The following SRGAP1 variants were observed in gnomAD, a reference collection of about 807,000 sequenced individuals.
SRGAP1 encodes the protein SLIT-ROBO Rho GTPase activating protein 1.
In SRGAP1, 43 loss-of-function variants were observed where a neutral mutation model predicts 121.9. The observed-to-expected ratio is 0.35, with a 90% CI of 0.28 to 0.46. The LOEUF (loss-of-function observed/expected upper bound fraction) is 0.46, where lower values mean the gene tolerates loss of function less well. SRGAP1 is among the 20% of genes least tolerant of loss of function. The pLI is 1.00. For synonymous variants in SRGAP1, 447 were observed against 485.4 expected (o/e 0.92, Z 1.04); for missense variants, 1,102 against 1,350.9 (o/e 0.82, Z 2.89).
intron 1 of SRGAP1, among the ~76,000 whole-genome samples, chr12:63,936,114 A>T (rs1401082622): frequency 6.6e-6 from 1 of 152,018 alleles, no homozygotes; most frequent in African/African-American, 2.4e-5. Flanking sequence ...AATAACAGTT[A>T]TTTTTTTAAA....
intron 1 of SRGAP1, among the ~76,000 whole-genome samples, chr12:63,853,368 T>C (rs576961894): frequency 3.3e-5 from 5 of 152,306 alleles, no homozygotes; most frequent in South Asian, 2.1e-4. Context: ...ATAATTTCTT[T>C]AGAAAGTCAC....
intron 3 of SRGAP1, among the ~76,000 whole-genome samples, chr12:64,005,647 TA>T (rs918612549): frequency 2.0e-5 from 3 of 150,718 alleles, no homozygotes; most frequent in Non-Finnish European, 3.0e-5. Flanking sequence ...CCCTGTCTCT[TA>T]AAAAAAAATA....
At chr12:64,015,547 G>C (rs1207324602) in intron 3 of SRGAP1, among the ~76,000 whole-genome samples, 1 of 152,156 alleles carries the variant, frequency 6.6e-6, no homozygotes, top group Non-Finnish European at 1.5e-5. Flanking sequence ...TCAAAGTTCA[G>C]GTACTGCTCT....
chr12:64,072,108 C>CTGTG (rs66959510), intron 8 of SRGAP1, among the ~76,000 whole-genome samples: 1,240 of 80,368 alleles, frequency 0.015, 29 homozygotes, highest in Admixed American at 0.027. Context: ...CAATCTCTCT[C>CTGTG]TGTGTGTGTG....
intron 3 of SRGAP1, among the ~76,000 whole-genome samples, chr12:64,005,870 A>G (rs957158997): frequency 3.9e-5 from 6 of 152,126 alleles, no homozygotes; most frequent in Non-Finnish European, 8.8e-5. Flanking sequence ...AATAGGCATT[A>G]TATTTCTTGA....
chr12:64,032,473 G>C, intron 4 of SRGAP1: 1 of 969,292 alleles, frequency 1.0e-6, no homozygotes, highest in South Asian at 1.3e-5. Flanking sequence ...TGCTTTGTGG[G>C]TCAGAAGAGA....
At chr12:64,074,636 CT>C (rs1421812106) in intron 8 of SRGAP1, among the ~76,000 whole-genome samples, 1 of 152,144 alleles carries the variant, frequency 6.6e-6, no homozygotes, top group East Asian at 1.9e-4. Flanking sequence ...GGCACCTTCC[CT>C]GACTTCTCAG....
rs1386503606 is a variant in SRGAP1 at position 64,156,324 on chromosome 12, TTGAA to T, written c.*13658_*13661del. The T allele has an allele frequency of 6.6e-6, 1 of 152,214 alleles. No homozygotes were observed. The highest frequency in any genetic ancestry group is 1.5e-5 in the Non-Finnish European group (1 of 68,026). 9.4% of individuals were successfully genotyped at this position (152,214 alleles called of 1,614,324 possible). ...AACAATGTCAGGTGGAGAGAAGGAA[TTGAA>T]TGAATATTTTTAATAAATTTGTAGA... On this transcript the variant is annotated 3_prime_UTR_variant, in exon 22 of 22. Transcript: ENST00000355086.
intron 21 of SRGAP1, among the ~76,000 whole-genome samples, chr12:64,136,666 T>A (rs1307101618): frequency 1.3e-5 from 2 of 152,232 alleles, no homozygotes; most frequent in Non-Finnish European, 1.5e-5. Context: ...ATGTGTTTTT[T>A]AAAAATTAAC....
At chr12:63,984,830 A>G (rs1284589994) in intron 2 of SRGAP1, among the ~76,000 whole-genome samples, 1 of 152,028 alleles carries the variant, frequency 6.6e-6, no homozygotes, top group African/African-American at 2.4e-5. Flanking sequence ...AGCCTGACCA[A>G]TATGGTGAAA....
At chr12:64,058,488 T>C (rs1158684474) in intron 6 of SRGAP1, among the ~76,000 whole-genome samples, 1 of 152,218 alleles carries the variant, frequency 6.6e-6, no homozygotes, top group Non-Finnish European at 1.5e-5. Flanking sequence ...GGAATCTGTC[T>C]TGACAGGTTT....
chr12:63,921,440 A>G (rs935853457), intron 1 of SRGAP1, among the ~76,000 whole-genome samples: 1 of 152,046 alleles, frequency 6.6e-6, no homozygotes, highest in African/African-American at 2.4e-5. Flanking sequence ...ATCTCTAGCT[A>G]TTTTCTTCTC....
At chr12:64,011,903 C>T (rs991266309) in intron 3 of SRGAP1, among the ~76,000 whole-genome samples, 2 of 152,020 alleles carry the variant, frequency 1.3e-5, no homozygotes, top group Non-Finnish European at 1.5e-5. Flanking sequence ...ATCACTTGAG[C>T]CCAGCCTGGG....
At chr12:63,868,057 T>TATATATATATATA (rs56697634) in intron 1 of SRGAP1, among the ~76,000 whole-genome samples, 11 of 55,942 alleles carry the variant, frequency 2.0e-4, no homozygotes, top group African/African-American at 2.7e-4. Context: ...TATATATATA[T>TATATATATATATA]TTTTTTTTTT....
chr12:63,999,415 A>C (rs2033810135), intron 3 of SRGAP1, among the ~76,000 whole-genome samples: 1 of 152,184 alleles, frequency 6.6e-6, no homozygotes, highest in African/African-American at 2.4e-5. Flanking sequence ...AGAAAGTCTC[A>C]GTTTGCAGCT....
chr12:64,040,582 C>T (rs572216512), intron 4 of SRGAP1, among the ~76,000 whole-genome samples: 5 of 152,036 alleles, frequency 3.3e-5, no homozygotes, highest in Non-Finnish European at 7.4e-5. Flanking sequence ...TCGAATTCAC[C>T]CGGATGTCTG....
In SRGAP1 at chr12:64,144,058, C is replaced by T. The variant is rs1182458211; in HGVS notation, c.*1386C>T. 1.3e-5 allele frequency: 2 copies of T among 152,224 alleles called. No homozygotes were observed. Among genetic ancestry groups the T allele is most frequent in the Non-Finnish European group, 2.9e-5 (2 of 68,050 alleles). 9.4% of individuals were successfully genotyped at this position (152,224 alleles called of 1,614,324 possible). On this transcript the variant is annotated 3_prime_UTR_variant, in exon 22 of 22. Transcript: ENST00000355086. ...AGCTGAACTCTCAATTGGAGACCCT[C>T]TTTCTCTGGCATCCTAGCACACAGG...
chr12:63,916,412 G>T (rs1367210092), intron 1 of SRGAP1, among the ~76,000 whole-genome samples: 2 of 152,188 alleles, frequency 1.3e-5, no homozygotes, highest in Non-Finnish European at 2.9e-5. Context: ...GAGAAACTGT[G>T]TGCCATCTTT....
In SRGAP1 at chr12:64,142,488, G is replaced by C. The variant is rs368816137; in HGVS notation, c.3074G>C (p.Arg1025Pro). ...CTCAGGAGCTCCGAGCCTCAGATTC[G>C]ACGTAGCACGAGCTCCTCCAGTGAC... ...VALRSSEPQI[R>P]RSTSSSSDTM... Residue 1025 changes from arginine to proline, a missense_variant, in exon 22 of 22, where the codon CGA (arginine) becomes CCA (proline). By Grantham distance (103) the Arg-to-Pro change is moderately radical (BLOSUM62 -2). Around this residue, in one of 3 missense-constraint regions of SRGAP1, gnomAD observed 315 missense variants for 343.1 expected, o/e 0.92. Transcript: ENST00000355086. The C allele has an allele frequency of 6.2e-7, 1 of 1,614,070 alleles. No individual in the cohort carries two copies. The highest frequency in any genetic ancestry group is 1.3e-5 in the African/African-American group (1 of 75,006).
Sources: gnomAD v4.1 joint callset for allele counts (sites outside exome capture counted in the v4.1 genomes callset) on GRCh38, gnomAD v4.1.1 for gene constraint, gnomAD v4.1.1 regional missense constraint, MANE v1.5 for transcripts, NCBI Gene and HGNC (gene_info 2026-07-23, HGNC 2026-07-21) for gene names.